RIMS2: variants seen among roughly 807,000 people sequenced by gnomAD.
RIMS2 encodes the protein regulating synaptic membrane exocytosis 2, also known as regulating synaptic membrane exocytosis protein 2.
A neutral mutation model predicts 174.4 loss-of-function variants in RIMS2; 59 were observed. The ratio of observed to expected loss-of-function variants is 0.34; its 90% CI spans 0.27 to 0.42. RIMS2 has a LOEUF of 0.42. Ranked by LOEUF, RIMS2 falls within the 10% of genes least tolerant of loss-of-function variation. The pLI is 1.00. For synonymous variants in RIMS2, 606 were observed against 572.5 expected, an observed-to-expected ratio of 1.06 and a Z score of -0.84; for missense variants, 1,620 against 1,666.3, an observed-to-expected ratio of 0.97 and a Z score of 0.48.
At chr8:103,957,536 T>C (rs758953670) in intron 14 of RIMS2, among the ~76,000 whole-genome samples, 5 of 152,162 alleles carry the variant, frequency 3.3e-5, no homozygotes, top group Non-Finnish European at 7.3e-5. Flanking sequence ...ATGTTCTCAT[T>C]CATAACTGGG....
rs150830977 is a variant in RIMS2, at chr8:103,568,775, A to G, written c.176+67713A>G. On this transcript the variant is annotated intron_variant, in intron 1 of 23. Transcript: ENST00000504942. ...CACTGGGTAAGGAATCTATCAAAACATGAATGTCTTTTGCTGTTTGTGCAA... is the reference window on the plus strand; with the variant it reads ...CACTGGGTAAGGAATCTATCAAAACGTGAATGTCTTTTGCTGTTTGTGCAA... The G allele has an allele frequency of 1.4e-3, 1,581 of 1,124,014 alleles. 22 individuals are homozygous for G. In the East Asian group the frequency reaches 0.02, roughly 14 times the overall value. 69.6% of individuals were successfully genotyped at this position (1,124,014 alleles called of 1,614,324 possible). A position where few individuals can be genotyped will look rare whatever the true frequency, so the allele number is the denominator to read the frequency against.
At chr8:103,689,760 A>C (rs1251043743) in intron 1 of RIMS2, among the ~76,000 whole-genome samples, 1 of 152,156 alleles carries the variant, frequency 6.6e-6, no homozygotes, top group African/African-American at 2.4e-5. Context: ...GCACAGAAAA[A>C]CACAAAATAT....
chr8:103,681,591 A>G (rs1010976351), intron 1 of RIMS2, among the ~76,000 whole-genome samples: 1 of 152,094 alleles, frequency 6.6e-6, no homozygotes, highest in African/African-American at 2.4e-5. Flanking sequence ...AAGAGCATGT[A>G]TAAAATATAG....
At chr8:104,169,591 G>A (rs965549020) in intron 19 of RIMS2, among the ~76,000 whole-genome samples, 8 of 151,224 alleles carry the variant, frequency 5.3e-5, no homozygotes, top group South Asian at 2.1e-4. Context: ...GGTTATTCTC[G>A]CTAATGGTCT....
intron 1 of RIMS2, among the ~76,000 whole-genome samples, chr8:103,518,728 TATG>T (rs1242809553): frequency 6.6e-6 from 1 of 152,074 alleles, no homozygotes; most frequent in Non-Finnish European, 1.5e-5. Context: ...TAGGGCCTGT[TATG>T]ATATGTTAAC....
chr8:104,226,677 A>G lies in RIMS2; in HGVS notation c.3335-18239A>G, dbSNP rs74884809. On this transcript the variant is annotated intron_variant, in intron 19 of 23. Transcript: ENST00000504942. ...AAGAAATTATAAGAAAGCCTAATTTAGGAGTTAGAGAAGGGTGCCCTGAGA... is the reference window on the plus strand; with the variant it reads ...AAGAAATTATAAGAAAGCCTAATTTGGGAGTTAGAGAAGGGTGCCCTGAGA... Among the ~76,000 whole-genome samples, 1,347 of 152,316 alleles carry G rather than the reference A, an allele frequency of 8.8e-3. 17 individuals are homozygous for G. The highest frequency in any genetic ancestry group is 0.031 in the African/African-American group (1,300 of 41,564).
At chr8:103,980,543 CAG>C (rs1242585322) in intron 16 of RIMS2, among the ~76,000 whole-genome samples, 3 of 152,190 alleles carry the variant, frequency 2.0e-5, no homozygotes, top group Admixed American at 1.3e-4. Flanking sequence ...TTGAGAAAAA[CAG>C]AGAGAAAACT....
chr8:103,621,377 CT>C (rs980758910), intron 1 of RIMS2, among the ~76,000 whole-genome samples: 1 of 152,098 alleles, frequency 6.6e-6, no homozygotes, highest in Non-Finnish European at 1.5e-5. Context: ...CAACTTAGAA[CT>C]TTTTAAAAGA....
chr8:104,233,513 C>G (rs2099242543), intron 19 of RIMS2, among the ~76,000 whole-genome samples: 1 of 152,160 alleles, frequency 6.6e-6, no homozygotes. Context: ...CAGAGATTGA[C>G]AGTAGAGTAC....
chr8:103,706,151 A>T (rs2097222302), intron 2 of RIMS2, among the ~76,000 whole-genome samples: 1 of 152,128 alleles, frequency 6.6e-6, no homozygotes, highest in Non-Finnish European at 1.5e-5. Flanking sequence ...AACTGATGAC[A>T]ACTTCCCGTG....
intron 19 of RIMS2, among the ~76,000 whole-genome samples, chr8:104,037,395 A>G (rs1198989788): frequency 6.6e-6 from 1 of 152,200 alleles, no homozygotes; most frequent in African/African-American, 2.4e-5. Context: ...TTTTAACATA[A>G]TGCTTGTTTC....
intron 19 of RIMS2, among the ~76,000 whole-genome samples, chr8:104,216,898 T>A (rs1032889072): frequency 2.6e-5 from 4 of 152,238 alleles, no homozygotes; most frequent in Non-Finnish European, 5.9e-5. Context: ...TTTTCTTGTC[T>A]GTGAAATGAG....
At chr8:103,760,722 C>T (rs539547740) in intron 2 of RIMS2, among the ~76,000 whole-genome samples, 15 of 152,038 alleles carry the variant, frequency 9.9e-5, no homozygotes, top group Non-Finnish European at 1.5e-4. Flanking sequence ...TAACATTTAC[C>T]GTAATTATAA....
intron 1 of RIMS2, among the ~76,000 whole-genome samples, chr8:103,673,874 T>C (rs2096775983): frequency 6.6e-6 from 1 of 152,260 alleles, no homozygotes. Context: ...ACTTTTAGGC[T>C]CTATTTCCTT....
Position 103,500,848 on chromosome 8 carries a change from GC to G in RIMS2, c.-37del. 1 of 1,455,562 alleles carries G rather than the reference GC, an allele frequency of 6.9e-7. No individual in the cohort carries two copies. Among genetic ancestry groups the G allele is most frequent in the Non-Finnish European group, 9.2e-7 (1 of 1,086,432 alleles). 90.2% of individuals were successfully genotyped at this position (1,455,562 alleles called of 1,614,324 possible). ...CGGTGCCGCCGCTGCCAGTGGAGTT[GC>G]CTCCCCGCTTCCCTAGGGTGGTTCG... is the stretch of plus-strand genomic sequence containing the variant. On this transcript the variant is annotated 5_prime_UTR_variant, in exon 1 of 24. It introduces an in-frame stop codon into an upstream open reading frame of the 5' UTR. Transcript: ENST00000504942.
intron 18 of RIMS2, among the ~76,000 whole-genome samples, chr8:104,014,128 C>G (rs1230431826): frequency 6.6e-6 from 1 of 152,102 alleles, no homozygotes; most frequent in East Asian, 1.9e-4. Context: ...GTAAAAATCT[C>G]TGGATCAAGG....
At chr8:103,957,304 T>C (rs929142291) in intron 14 of RIMS2, among the ~76,000 whole-genome samples, 2 of 152,338 alleles carry the variant, frequency 1.3e-5, no homozygotes, top group African/African-American at 4.8e-5. Context: ...TGTACATGTA[T>C]GTTTATTGCA....
At chr8:104,123,308 A>T (rs1015068878) in intron 19 of RIMS2, among the ~76,000 whole-genome samples, 1 of 152,088 alleles carries the variant, frequency 6.6e-6, no homozygotes, top group Admixed American at 6.5e-5. Context: ...TCTAATTATT[A>T]TAGGAAATAA....
intron 3 of RIMS2, among the ~76,000 whole-genome samples, chr8:103,828,462 C>T (rs924724833): frequency 1.3e-5 from 2 of 152,010 alleles, no homozygotes; most frequent in African/African-American, 4.8e-5. Flanking sequence ...TGTTTAAGTT[C>T]CTTATAGATT....
Sources: allele counts gnomAD v4.1 joint callset (sites outside exome capture counted in the v4.1 genomes callset), GRCh38; gene constraint gnomAD v4.1.1; transcripts MANE v1.5; gene names NCBI Gene and HGNC (gene_info 2026-07-23, HGNC 2026-07-21).